CEP57L1: variants seen among roughly 807,000 people sequenced by gnomAD.
The protein encoded by CEP57L1 is centrosomal protein CEP57L1.
A neutral mutation model predicts 61.0 loss-of-function variants in CEP57L1; 37 were observed. That is an observed-to-expected ratio of 0.61 (90% confidence interval 0.47 to 0.80). CEP57L1 has a LOEUF of 0.80. Among genes scored for constraint, CEP57L1 ranks in the 30% least tolerant of loss-of-function variants. CEP57L1 has a pLI of 0.00. For synonymous variants in CEP57L1, 137 were observed against 162.3 expected (o/e 0.84, Z 1.19); for missense variants, 422 against 524.7 (o/e 0.80, Z 1.91).
chr6:109,112,229 A>G (rs1174579025), intron 1 of CEP57L1, among the ~76,000 whole-genome samples: 1 of 151,950 alleles, frequency 6.6e-6, no homozygotes, highest in Non-Finnish European at 1.5e-5. Flanking sequence ...CCGGGATTCG[A>G]CTTCTTCCTG....
intron 1 of CEP57L1, among the ~76,000 whole-genome samples, chr6:109,125,524 A>T (rs7763491): frequency 0.63 from 89,593 of 142,826 alleles, 28,383 homozygotes; most frequent in East Asian, 0.71. Context: ...ATATATATAT[A>T]TTTTTTTTTT....
chr6:109,095,374 C>T (rs1781559039), upstream of CEP57L1: 1 of 985,896 alleles, frequency 1.0e-6, no homozygotes, highest in Middle Eastern at 5.2e-4. Context: ...AAAGTAGTGA[C>T]GGCCTCTTCA....
At chr6:109,109,403 T>C (rs138331803) in intron 1 of CEP57L1, among the ~76,000 whole-genome samples, 2 of 152,322 alleles carry the variant, frequency 1.3e-5, no homozygotes, top group East Asian at 3.9e-4. Flanking sequence ...AGGAAATTCA[T>C]TTAATTTAGG....
chr6:109,110,422 A>G (rs1263616349), intron 1 of CEP57L1, among the ~76,000 whole-genome samples: 1 of 150,930 alleles, frequency 6.6e-6, no homozygotes, highest in Non-Finnish European at 1.5e-5. Context: ...AGTTCTTTGT[A>G]GATGGATAGT....
chr6:109,108,977 G>A (rs1016676878), intron 1 of CEP57L1, among the ~76,000 whole-genome samples: 6 of 152,236 alleles, frequency 3.9e-5, no homozygotes, highest in Non-Finnish European at 8.8e-5. Flanking sequence ...GCTAGAATTC[G>A]TAACTTGTTT....
intron 1 of CEP57L1, among the ~76,000 whole-genome samples, chr6:109,126,942 C>T (rs1306841619): frequency 2.0e-5 from 3 of 152,138 alleles, no homozygotes; most frequent in Non-Finnish European, 2.9e-5. Flanking sequence ...CCGAGGCGGA[C>T]GGATCACAAG....
chr6:109,145,204 C>T lies in CEP57L1; in HGVS notation c.-3-15C>T, dbSNP rs936588519. On this transcript the variant is annotated splice_polypyrimidine_tract_variant and intron_variant, in intron 1 of 10. Coordinates refer to ENST00000517392, the MANE Select transcript of CEP57L1 (RefSeq NM_001271852.3). ...AGGAAAGCATGATACTATATCATTC[C>T]TTTATTCTCTACAGATAATGGATTC... 3.3e-6 allele frequency: 5 copies of T among 1,501,112 alleles called. No individual in the cohort carries two copies. The highest frequency in any genetic ancestry group is 1.4e-5 in the African/African-American group (1 of 71,694). 93.0% of individuals were successfully genotyped at this position (1,501,112 alleles called of 1,614,324 possible). A position where few individuals can be genotyped will look rare whatever the true frequency, so the allele number is the denominator to read the frequency against.
intron 1 of CEP57L1, among the ~76,000 whole-genome samples, chr6:109,136,413 T>C (rs894828889): frequency 6.6e-6 from 1 of 152,256 alleles, no homozygotes; most frequent in African/African-American, 2.4e-5. Flanking sequence ...CGGGGCCTGT[T>C]GTAGGGTGTG....
intron 1 of CEP57L1, among the ~76,000 whole-genome samples, chr6:109,117,330 C>T (rs1772423926): frequency 1.3e-5 from 2 of 152,160 alleles, no homozygotes; most frequent in African/African-American, 4.8e-5. Context: ...GGCTTTGCTG[C>T]TCTACAAACC....
intron 1 of CEP57L1, among the ~76,000 whole-genome samples, chr6:109,107,545 A>G (rs563311255): frequency 6.6e-6 from 1 of 152,338 alleles, no homozygotes; most frequent in East Asian, 1.9e-4. Flanking sequence ...GGTTGTCTAA[A>G]TAAGAGCATT....
In CEP57L1 at chr6:109,171,015, C is replaced by CTT. The variant is rs902811994; in HGVS notation, c.*8046_*8047dup. Among the ~76,000 whole-genome samples the CTT allele has an allele frequency of 3.3e-5, 5 of 152,084 alleles. No homozygotes were observed. Among genetic ancestry groups the CTT allele is most frequent in the African/African-American group, 1.2e-4 (5 of 41,406 alleles). On this transcript the variant is annotated 3_prime_UTR_variant, in exon 11 of 11. Coordinates refer to ENST00000517392, the MANE Select transcript of CEP57L1 (RefSeq NM_001271852.3). ...ATGTATATAACTTCTCCTTTATAAG[C>CTT]TTAGAAAAATTTATATCAGTATTAC...
intron 1 of CEP57L1, among the ~76,000 whole-genome samples, chr6:109,128,175 G>A (rs1773792864): frequency 6.6e-6 from 1 of 152,112 alleles, no homozygotes; most frequent in Non-Finnish European, 1.5e-5. Flanking sequence ...TCTGCTTGCT[G>A]GGCAGTTCTG....
intron 1 of CEP57L1, among the ~76,000 whole-genome samples, chr6:109,113,274 G>A (rs1014984719): frequency 1.2e-4 from 18 of 151,910 alleles, no homozygotes; most frequent in African/African-American, 3.6e-4. Flanking sequence ...AACATGGATC[G>A]TCCCCTCTTC....
At chr6:109,155,187 C>A in intron 5 of CEP57L1, 43 bp from the exon 6 acceptor site, 1 of 1,208,650 alleles carries the variant, frequency 8.3e-7, no homozygotes, top group Non-Finnish European at 1.2e-6. Context: ...TGATATTTGG[C>A]TCTAGTTTTT....
chr6:109,150,608 G>A (rs184534961), intron 4 of CEP57L1, among the ~76,000 whole-genome samples: 69 of 151,172 alleles, frequency 4.6e-4, no homozygotes, highest in African/African-American at 1.7e-3. Flanking sequence ...GTTGCAGTGA[G>A]CTGAGATTGT....
chr6:109,117,786 C>T (rs144833839), intron 1 of CEP57L1, among the ~76,000 whole-genome samples: 1 of 152,278 alleles, frequency 6.6e-6, no homozygotes, highest in East Asian at 1.9e-4. Flanking sequence ...CAGTCACAGG[C>T]AACGTCTATA....
chr6:109,108,891 G>A (rs573355090), intron 1 of CEP57L1, among the ~76,000 whole-genome samples: 33 of 152,046 alleles, frequency 2.2e-4, no homozygotes, highest in Admixed American at 3.9e-4. Flanking sequence ...CACTAACTTC[G>A]CAATTTTTAT....
At chr6:109,117,134 A>T (rs1374853022) in intron 1 of CEP57L1, among the ~76,000 whole-genome samples, 1 of 152,052 alleles carries the variant, frequency 6.6e-6, no homozygotes, top group Non-Finnish European at 1.5e-5. Context: ...ATAATCAGAA[A>T]TATATATATA....
chr6:109,114,165 A>G (rs537178783), intron 1 of CEP57L1, among the ~76,000 whole-genome samples: 15 of 152,258 alleles, frequency 9.9e-5, no homozygotes, highest in African/African-American at 3.6e-4. Flanking sequence ...TCAATTTACA[A>G]TACCACCTAC....
Sources: allele counts gnomAD v4.1 joint callset (sites outside exome capture counted in the v4.1 genomes callset), GRCh38; gene constraint gnomAD v4.1.1; transcripts MANE v1.5; gene names NCBI Gene and HGNC (gene_info 2026-07-23, HGNC 2026-07-21).